Variants in EYS observed in about 807,000 individuals in gnomAD.
EYS encodes protein eyes shut homolog.
A neutral mutation model predicts 282.1 loss-of-function variants in EYS; 250 were observed. The observed-to-expected ratio is 0.89, with a 90% CI of 0.80 to 0.98. The LOEUF (loss-of-function observed/expected upper bound fraction) is 0.98, where lower values mean the gene tolerates loss of function less well. Ranked by LOEUF, EYS falls within the 50% of genes least tolerant of loss-of-function variation. The pLI, the probability that EYS is intolerant of heterozygous loss-of-function variation, is 0.00. For synonymous variants in EYS, 1,355 were observed against 1,282.9 expected (o/e 1.06, Z -1.20); for missense variants, 4,016 against 3,709.0 (o/e 1.08, Z -2.15).
At chr6:65,644,965 C>G (rs1009489690) in intron 1 of EYS, among the ~76,000 whole-genome samples, 1 of 152,086 alleles carries the variant, frequency 6.6e-6, no homozygotes, top group Non-Finnish European at 1.5e-5. Context: ...AAGCATAAAT[C>G]TCACAGGACT....
chr6:65,226,210 G>A (rs637624), intron 12 of EYS, among the ~76,000 whole-genome samples: 1 of 151,658 alleles, frequency 6.6e-6, no homozygotes, highest in Non-Finnish European at 1.5e-5. Flanking sequence ...AATTGTGTAC[G>A]TATATACCAG....
chr6:63,836,307 C>T (rs1011800627), intron 36 of EYS, among the ~76,000 whole-genome samples: 1 of 151,700 alleles, frequency 6.6e-6, no homozygotes, highest in Non-Finnish European at 1.5e-5. Flanking sequence ...TCTGTTTGCT[C>T]TTAGGTGAAT....
intron 22 of EYS, chr6:64,731,060 T>C (rs1008439061): frequency 2.0e-5 from 3 of 152,190 alleles, no homozygotes; most frequent in Non-Finnish European, 4.4e-5. Context: ...GATAACTATT[T>C]ACTTTCTCTT....
At chr6:64,690,934 A>C (rs1455245833) in intron 22 of EYS, among the ~76,000 whole-genome samples, 4 of 152,132 alleles carry the variant, frequency 2.6e-5, no homozygotes, top group Admixed American at 1.3e-4. Context: ...CATATGTAGC[A>C]AACCTGCATG....
chr6:65,436,108 A>G (rs1448326497), intron 5 of EYS, among the ~76,000 whole-genome samples: 2 of 152,176 alleles, frequency 1.3e-5, no homozygotes, highest in Admixed American at 6.5e-5. Flanking sequence ...CCAAAAGTAG[A>G]AGAAAAGTCT....
At chr6:63,845,502 C>G (rs1772075677) in intron 36 of EYS, among the ~76,000 whole-genome samples, 1 of 151,698 alleles carries the variant, frequency 6.6e-6, no homozygotes, top group South Asian at 2.1e-4. Context: ...CCACACTGCC[C>G]TTTACTCTAG....
chr6:65,141,645 G>GTCTA (rs762351334), intron 12 of EYS, among the ~76,000 whole-genome samples: 6 of 131,102 alleles, frequency 4.6e-5, no homozygotes, highest in African/African-American at 1.4e-4. Context: ...CTGTCTGTCT[G>GTCTA]TCTGTCTATC....
chr6:64,951,284 G>C (rs538250729), intron 14 of EYS, among the ~76,000 whole-genome samples: 1 of 151,966 alleles, frequency 6.6e-6, no homozygotes, highest in African/African-American at 2.4e-5. Flanking sequence ...GAACACAACA[G>C]AGGGGCATAT....
At chr6:64,628,245 T>C (rs1767672030) in intron 22 of EYS, among the ~76,000 whole-genome samples, 1 of 53,066 alleles carries the variant, frequency 1.9e-5, no homozygotes, top group Admixed American at 2.1e-4. Flanking sequence ...CCCATAGCAG[T>C]GTTTTTTTTT....
rs554905497 is a variant in EYS at position 64,341,807 on chromosome 6, T to C, written c.6079-34725A>G. Among the ~76,000 whole-genome samples the C allele has an allele frequency of 1.2e-4, 18 of 151,774 alleles. 1 individual carries two copies. Among genetic ancestry groups the C allele is most frequent in the Middle Eastern group, 3.4e-3 (1 of 294 alleles). On this transcript the variant is annotated intron_variant, in intron 29 of 42. Coordinates refer to ENST00000503581, the MANE Select transcript of EYS (RefSeq NM_001142800.2). ...CTAACCACTTGCCCATTAATCTCTA[T>C]GTCAGTGTCTCCTTTCCATAGAACT...
chr6:64,183,121 TCTC>T (rs954001491), intron 31 of EYS, among the ~76,000 whole-genome samples: 1 of 152,228 alleles, frequency 6.6e-6, no homozygotes, highest in African/African-American at 2.4e-5. Context: ...GCTTCCCTCT[TCTC>T]TGGGCATTCA....
At chr6:64,029,381 A>C (rs1769704258) in intron 33 of EYS, among the ~76,000 whole-genome samples, 1 of 152,220 alleles carries the variant, frequency 6.6e-6, no homozygotes, top group African/African-American at 2.4e-5. Flanking sequence ...TTAAAATAAT[A>C]CAAGGAAAAG....
chr6:65,546,585 T>C (rs1032699259), intron 2 of EYS, among the ~76,000 whole-genome samples: 8 of 151,878 alleles, frequency 5.3e-5, no homozygotes, highest in Admixed American at 3.9e-4. Flanking sequence ...TTTTTTTGTT[T>C]GTTTTTTGTT....
intron 13 of EYS, among the ~76,000 whole-genome samples, chr6:65,006,916 T>G (rs1771686941): frequency 6.6e-6 from 1 of 152,186 alleles, no homozygotes; most frequent in South Asian, 2.1e-4. Flanking sequence ...TGCTACACCC[T>G]CTCTGAAATG....
intron 22 of EYS, among the ~76,000 whole-genome samples, chr6:64,700,892 A>G (rs1365646029): frequency 3.9e-5 from 6 of 152,080 alleles, no homozygotes; most frequent in Non-Finnish European, 1.5e-5. Flanking sequence ...ATGGAACCAA[A>G]ACAGAGCCCG....
chr6:65,476,171 A>G (rs554987695), intron 5 of EYS, among the ~76,000 whole-genome samples: 3 of 152,254 alleles, frequency 2.0e-5, no homozygotes, highest in Admixed American at 2.0e-4. Context: ...TGGGTTCTAA[A>G]CACCAAATGG....
intron 41 of EYS, among the ~76,000 whole-genome samples, chr6:63,735,555 CA>C (rs1768889767): frequency 6.6e-6 from 1 of 151,674 alleles, no homozygotes; most frequent in Admixed American, 6.6e-5. Flanking sequence ...CCTATAAAAA[CA>C]AGCTAAAGAT....
rs917415757 is a variant in EYS at position 63,788,250 on chromosome 6, CT to C, written c.7579-2del. ...TGGATTTATTTTTATGATCATCTAC[CT>C]TCGAAAGGGAAAAAAAACCTATTAA... On this transcript the variant is annotated splice_acceptor_variant, in intron 38 of 42. Coordinates refer to ENST00000503581, the MANE Select transcript of EYS (RefSeq NM_001142800.2). LOFTEE classifies it high-confidence loss of function. 2 of 1,525,496 alleles carry C rather than the reference CT, an allele frequency of 1.3e-6. No homozygotes were observed. The highest frequency in any genetic ancestry group is 2.3e-5 in the Admixed American group (1 of 43,540). The allele number at this position is 1,525,496 out of a possible 1,614,324, so 94.5% of individuals were successfully genotyped here.
intron 2 of EYS, among the ~76,000 whole-genome samples, chr6:65,611,717 T>C (rs950967561): frequency 6.6e-6 from 1 of 152,078 alleles, no homozygotes; most frequent in Admixed American, 6.6e-5. Flanking sequence ...TACAGTTCTC[T>C]GACATTGGCT....
Sources: gnomAD v4.1 joint callset for allele counts (sites outside exome capture counted in the v4.1 genomes callset) on GRCh38, gnomAD v4.1.1 for gene constraint, MANE v1.5 for transcripts, NCBI Gene and HGNC (gene_info 2026-07-23, HGNC 2026-07-21) for gene names.